The following AGBL4 variants were observed in gnomAD, a reference collection of about 807,000 sequenced individuals.
The protein encoded by AGBL4 is cytosolic carboxypeptidase 6.
A neutral mutation model predicts 66.4 loss-of-function variants in AGBL4; 58 were observed. That is an observed-to-expected ratio of 0.87 (90% confidence interval 0.71 to 1.09). The LOEUF (loss-of-function observed/expected upper bound fraction) is 1.09, where lower values mean the gene tolerates loss of function less well. Ranked by LOEUF, AGBL4 falls within the 50% of genes least tolerant of loss-of-function variation. The probability of loss-of-function intolerance (pLI) is 0.00; values close to 1 mark genes in which losing one functional copy is unlikely to be tolerated. For synonymous variants in AGBL4, 234 were observed against 222.9 expected, an observed-to-expected ratio of 1.05 and a Z score of -0.44; for missense variants, 579 against 631.0, an observed-to-expected ratio of 0.92 and a Z score of 0.88.
At chr1:48,731,467 A>G (rs983557393) in intron 6 of AGBL4, among the ~76,000 whole-genome samples, 5 of 152,192 alleles carry the variant, frequency 3.3e-5, no homozygotes, top group African/African-American at 4.8e-5. Context: ...GGAGGCAAAG[A>G]TACAGTAAGA....
chr1:48,736,190 A>G lies in AGBL4; in HGVS notation c.635-72949T>C. The G allele has an allele frequency of 2.6e-6, 4 of 1,553,094 alleles. No homozygotes were observed. The highest frequency in any genetic ancestry group is 3.6e-6 in the Non-Finnish European group (4 of 1,125,048). Reference sequence around the variant, plus strand: ...GAATTGTGCCTAACACATTCTTGACAGAGTAAAAGACAGAATCCCAGCCAT... The same window carrying G: ...GAATTGTGCCTAACACATTCTTGACGGAGTAAAAGACAGAATCCCAGCCAT... On this transcript the variant is annotated intron_variant, in intron 6 of 13. Transcript: ENST00000371839. The surrounding 1 kb of genome is among the most constrained non-coding windows in gnomAD (Gnocchi z 4.0).
intron 3 of AGBL4, among the ~76,000 whole-genome samples, chr1:49,642,932 T>C (rs963348298): frequency 6.6e-6 from 1 of 151,932 alleles, no homozygotes; most frequent in Non-Finnish European, 1.5e-5. Context: ...GTGTGGCATC[T>C]AATAAAAAAT....
At chr1:48,903,278 C>A (rs972619821) in intron 5 of AGBL4, among the ~76,000 whole-genome samples, 1 of 152,200 alleles carries the variant, frequency 6.6e-6, no homozygotes, top group African/African-American at 2.4e-5. Flanking sequence ...GGAACCCTCC[C>A]AGAATCTGAG....
chr1:48,708,617 G>T (rs1436622232), intron 6 of AGBL4, among the ~76,000 whole-genome samples: 1 of 152,204 alleles, frequency 6.6e-6, no homozygotes, highest in South Asian at 2.1e-4. Flanking sequence ...AGGCAGGGAG[G>T]TCATGCTTAC....
At chr1:49,771,586 C>T (rs1050364395) in intron 2 of AGBL4, among the ~76,000 whole-genome samples, 3 of 151,980 alleles carry the variant, frequency 2.0e-5, no homozygotes, top group African/African-American at 4.8e-5. Context: ...TTGTTAAAAG[C>T]GGGTTATTAA....
intron 3 of AGBL4, among the ~76,000 whole-genome samples, chr1:49,354,167 C>T (rs997217600): frequency 6.6e-5 from 10 of 152,170 alleles, no homozygotes; most frequent in African/African-American, 1.9e-4. Context: ...CTCACTCCGG[C>T]TTTTGTACCT....
At chr1:49,130,769 T>C (rs1645875272) in intron 4 of AGBL4, among the ~76,000 whole-genome samples, 1 of 152,120 alleles carries the variant, frequency 6.6e-6, no homozygotes, top group Non-Finnish European at 1.5e-5. Flanking sequence ...CTTTGTTCTT[T>C]TGGCTTAGGA....
At chr1:49,830,392 T>C (rs1024729261) in intron 2 of AGBL4, among the ~76,000 whole-genome samples, 1 of 152,226 alleles carries the variant, frequency 6.6e-6, no homozygotes, top group African/African-American at 2.4e-5. Flanking sequence ...TTACATATAT[T>C]AGTTGGCTAC....
At chr1:49,263,496 A>G (rs2148368847) in intron 3 of AGBL4, among the ~76,000 whole-genome samples, 1 of 152,270 alleles carries the variant, frequency 6.6e-6, no homozygotes, top group Non-Finnish European at 1.5e-5. Flanking sequence ...CAAGATATAG[A>G]AGGAGGAATA....
chr1:49,066,935 A>G (rs1238033856), intron 4 of AGBL4, among the ~76,000 whole-genome samples: 1 of 152,188 alleles, frequency 6.6e-6, no homozygotes, highest in Non-Finnish European at 1.5e-5. Flanking sequence ...GGATAATGCT[A>G]AATTCGGCAA....
intron 3 of AGBL4, among the ~76,000 whole-genome samples, chr1:49,328,966 T>G (rs989019976): frequency 1.3e-5 from 2 of 152,174 alleles, no homozygotes; most frequent in Non-Finnish European, 2.9e-5. Flanking sequence ...GTACTACTAA[T>G]CTGAATAATG....
intron 4 of AGBL4, among the ~76,000 whole-genome samples, chr1:49,122,850 T>C (rs1256778895): frequency 6.6e-6 from 1 of 151,992 alleles, no homozygotes; most frequent in African/African-American, 2.4e-5. Flanking sequence ...TACTATATTG[T>C]TTGTTTGTTT....
chr1:48,884,843 G>A (rs1891843), intron 5 of AGBL4, among the ~76,000 whole-genome samples: 76,359 of 151,714 alleles, frequency 0.5, 22,207 homozygotes, highest in Non-Finnish European at 0.67. Flanking sequence ...GTGCTCCAGT[G>A]CTTATACCAG....
At chr1:48,825,120 A>C (rs1646398190) in intron 6 of AGBL4, among the ~76,000 whole-genome samples, 1 of 152,326 alleles carries the variant, frequency 6.6e-6, no homozygotes, top group South Asian at 2.1e-4. Flanking sequence ...ACATACCGGC[A>C]GGGGTAGCTT....
the AGBL4 span, among the ~76,000 whole-genome samples, chr1:48,525,225 T>C: frequency 6.6e-6 from 1 of 152,276 alleles, no homozygotes; most frequent in Admixed American, 6.5e-5. Context: ...AGAGAGCTGA[T>C]ACACAATAAA....
At chr1:48,670,221 G>T (rs1169654090) in intron 6 of AGBL4, among the ~76,000 whole-genome samples, 1 of 152,162 alleles carries the variant, frequency 6.6e-6, no homozygotes, top group East Asian at 1.9e-4. Context: ...AGCAGTAAGG[G>T]TGCCTCTGAC....
At chr1:48,546,264 A>C (rs899164840) in intron 11 of AGBL4, among the ~76,000 whole-genome samples, 3 of 152,220 alleles carry the variant, frequency 2.0e-5, no homozygotes, top group Non-Finnish European at 4.4e-5. Flanking sequence ...TGAATGTAAC[A>C]AAGGTAGCAT....
intron 3 of AGBL4, among the ~76,000 whole-genome samples, chr1:49,292,439 C>G (rs983535759): frequency 6.6e-6 from 1 of 152,184 alleles, no homozygotes. Flanking sequence ...AGAGGGGGAA[C>G]TTACGGTCCC....
At chr1:50,023,708 G>A (rs1200489715) in intron 1 of AGBL4, 55 bp downstream of exon 1, 3 of 1,528,218 alleles carry the variant, frequency 2.0e-6, no homozygotes, top group Non-Finnish European at 2.6e-6. Flanking sequence ...TGTTGCCTGA[G>A]ACCCAGGACA....
Sources: gnomAD v4.1 joint callset for allele counts (sites outside exome capture counted in the v4.1 genomes callset) on GRCh38, gnomAD v4.1.1 for gene constraint, Gnocchi (gnomAD v3.1) non-coding constraint, MANE v1.5 for transcripts, NCBI Gene and HGNC (gene_info 2026-07-23, HGNC 2026-07-21) for gene names.